Variants in PPP6R3 observed in about 807,000 individuals in gnomAD.
PPP6R3 encodes serine/threonine-protein phosphatase 6 regulatory subunit 3.
PPP6R3 carries 38 observed loss-of-function variants against 110.7 expected under a neutral mutation model. That is an observed-to-expected ratio of 0.34 (90% CI 0.26 to 0.45). The LOEUF (loss-of-function observed/expected upper bound fraction) is 0.45. PPP6R3 is among the 20% of genes least tolerant of loss of function. The pLI is 1.00. For synonymous variants in PPP6R3, 369 were observed against 373.5 expected, an observed-to-expected ratio of 0.99 and a Z score of 0.14; for missense variants, 870 against 1,062.4, an observed-to-expected ratio of 0.82 and a Z score of 2.52.
At position 68,613,324 on chromosome 11, in the gene PPP6R3, A is replaced by G; in HGVS notation, c.*207A>G. The stretch of plus-strand genomic sequence containing the variant: ...TATTGCACATTGACAAATACCAAGA[A>G]TTTTTGCGTATGTTTATATTGTATT... On this transcript the variant is annotated 3_prime_UTR_variant, in exon 24 of 24. Coordinates refer to ENST00000393800, the MANE Select transcript of PPP6R3 (RefSeq NM_001164161.2). 1 of 1,337,674 alleles carries G rather than the reference A, an allele frequency of 7.5e-7. No individual in the cohort carries two copies. Among genetic ancestry groups the G allele is most frequent in the Non-Finnish European group, 9.6e-7 (1 of 1,046,682 alleles). The allele number at this position is 1,337,674 out of a possible 1,614,324, so 82.9% of individuals were successfully genotyped here. A position where few individuals can be genotyped will look rare whatever the true frequency, so the allele number is the denominator to read the frequency against.
intron 2 of PPP6R3, among the ~76,000 whole-genome samples, chr11:68,531,757 C>T (rs1334503118): frequency 5.3e-5 from 8 of 152,110 alleles, no homozygotes; most frequent in Admixed American, 3.3e-4. Context: ...GCTGCTATTG[C>T]GGATCTTTCT....
intron 4 of PPP6R3, 135 bp downstream of exon 4, chr11:68,545,159 A>G (rs2099344577): frequency 1.2e-5 from 7 of 568,544 alleles, no homozygotes; most frequent in Non-Finnish European, 2.0e-5. Flanking sequence ...TTAAACCTTA[A>G]ACATTCTAAG....
intron 2 of PPP6R3, 131 bp downstream of exon 2, chr11:68,519,782 ATT>A (rs2099154619): frequency 2.6e-6 from 1 of 391,758 alleles, no homozygotes; most frequent in Non-Finnish European, 4.5e-6. Flanking sequence ...GTACAATATG[ATT>A]CTGTGGTACT....
rs143149557 is a variant in PPP6R3, at chr11:68,541,138, G to T, written c.227+3247G>T. ...AAGACAGACATAAGAAATCACAAAAGTATTAATTTGGGGAACTAATAAATG... is the reference window on the plus strand; with the variant it reads ...AAGACAGACATAAGAAATCACAAAATTATTAATTTGGGGAACTAATAAATG... On this transcript the variant is annotated intron_variant, in intron 3 of 23. Coordinates refer to ENST00000393800, the MANE Select transcript of PPP6R3 (RefSeq NM_001164161.2). Among the ~76,000 whole-genome samples, 60 of 152,320 alleles carry T rather than the reference G, an allele frequency of 3.9e-4. No homozygotes were observed. The East Asian group carries it at 0.011, about 29-fold the overall frequency.
At chr11:68,470,426 G>A (rs1388078734) in intron 1 of PPP6R3, among the ~76,000 whole-genome samples, 1 of 152,150 alleles carries the variant, frequency 6.6e-6, no homozygotes, top group Non-Finnish European at 1.5e-5. Context: ...TGTGGCTGGA[G>A]TGAGGAGCCT....
At chr11:68,493,226 G>A (rs1311296288) in intron 1 of PPP6R3, among the ~76,000 whole-genome samples, 1 of 152,108 alleles carries the variant, frequency 6.6e-6, no homozygotes, top group Admixed American at 6.6e-5. Flanking sequence ...CTGAGCTTCA[G>A]TTTCCTCGCT....
chr11:68,550,012 CT>C (rs1435921269), intron 5 of PPP6R3, among the ~76,000 whole-genome samples: 4 of 152,274 alleles, frequency 2.6e-5, no homozygotes, highest in Admixed American at 6.5e-5. Flanking sequence ...TGCCCCGCCC[CT>C]CACATAGATG....
chr11:68,552,031 C>T (rs118128201), intron 6 of PPP6R3, among the ~76,000 whole-genome samples: 2 of 152,288 alleles, frequency 1.3e-5, no homozygotes, highest in Non-Finnish European at 2.9e-5. Flanking sequence ...GCAGATTGAA[C>T]TCTGTGCTGA....
intron 1 of PPP6R3, among the ~76,000 whole-genome samples, chr11:68,478,478 T>C (rs971198245): frequency 6.6e-6 from 1 of 152,128 alleles, no homozygotes; most frequent in Non-Finnish European, 1.5e-5. Context: ...GTTATGTAAC[T>C]ATGACAAGTG....
chr11:68,574,129 A>C lies in PPP6R3; in HGVS notation c.1364A>C (p.His455Pro). Reference sequence around the variant, plus strand: ...GTCAGGGCTGAGGGAGGAAGACGGCATGGTTACATGGGACACCTAACGAGG... The same window carrying C: ...GTCAGGGCTGAGGGAGGAAGACGGCCTGGTTACATGGGACACCTAACGAGG... ...EKKQAEGGRR[H>P]GYMGHLTRIA... Residue 455 changes from histidine (H) to proline (P), a missense_variant, in exon 13 of 24, where the codon CAT (histidine) becomes CCT (proline). His to Pro is a moderately conservative substitution (Grantham distance 77). Transcript: ENST00000393800. The C allele has an allele frequency of 6.2e-7, 1 of 1,614,010 alleles. No homozygotes were observed. The highest frequency in any genetic ancestry group is 8.5e-7 in the Non-Finnish European group (1 of 1,179,872).
intron 3 of PPP6R3, 47 bp downstream of exon 3, chr11:68,537,938 G>A: frequency 7.3e-7 from 1 of 1,369,610 alleles, no homozygotes. Flanking sequence ...AAGTGAAGTG[G>A]GGGTAGAATA....
chr11:68,537,265 A>C (rs1317939008), intron 2 of PPP6R3, among the ~76,000 whole-genome samples: 1 of 152,182 alleles, frequency 6.6e-6, no homozygotes, highest in African/African-American at 2.4e-5. Context: ...TAGTCTTCTG[A>C]AGCCTTCTAG....
At position 68,501,067 on chromosome 11, in the gene PPP6R3, GTTGT is replaced by G. The variant is rs2099046341; in HGVS notation, c.-157-18432_-157-18429del. ...GGGCATCGTTAGCATGGATTTTGCT[GTTGT>G]TAGTTTTTTCATGTTTATTGTCTAC... On this transcript the variant is annotated intron_variant, in intron 1 of 23. Transcript: ENST00000393800. 2.0e-5 allele frequency among the ~76,000 whole-genome samples: 3 copies of G among 152,144 alleles called. No homozygotes were observed. In the South Asian group the frequency reaches 6.2e-4, roughly 32 times the overall value.
At chr11:68,518,658 G>A (rs556495005) in intron 1 of PPP6R3, among the ~76,000 whole-genome samples, 3 of 152,216 alleles carry the variant, frequency 2.0e-5, no homozygotes, top group South Asian at 2.1e-4. Flanking sequence ...AAATATACTC[G>A]TTTTAATTTG....
intron 1 of PPP6R3, among the ~76,000 whole-genome samples, chr11:68,498,899 A>G (rs898602327): frequency 5.3e-5 from 8 of 152,174 alleles, no homozygotes; most frequent in African/African-American, 1.9e-4. Flanking sequence ...TACTAAAGCT[A>G]TTGTACCAAA....
At chr11:68,504,818 T>C (rs2099067338) in intron 1 of PPP6R3, among the ~76,000 whole-genome samples, 2 of 152,200 alleles carry the variant, frequency 1.3e-5, no homozygotes, top group South Asian at 4.1e-4. Flanking sequence ...TTTTTGCAGT[T>C]TGGCCTTCTT....
At chr11:68,539,778 T>C (rs1047697850) in intron 3 of PPP6R3, among the ~76,000 whole-genome samples, 3 of 152,170 alleles carry the variant, frequency 2.0e-5, no homozygotes, top group Non-Finnish European at 2.9e-5. Flanking sequence ...ATTTTTCAGA[T>C]AAGACCTCTG....
At chr11:68,573,114 T>TTTTATA (rs1397314086) in intron 12 of PPP6R3, among the ~76,000 whole-genome samples, 2 of 61,796 alleles carry the variant, frequency 3.2e-5, no homozygotes, top group Non-Finnish European at 5.5e-5. Flanking sequence ...TTTACTTATT[T>TTTTATA]TATATATATA....
At chr11:68,470,227 G>C (rs1413001404) in intron 1 of PPP6R3, among the ~76,000 whole-genome samples, 1 of 152,214 alleles carries the variant, frequency 6.6e-6, no homozygotes, top group Non-Finnish European at 1.5e-5. Context: ...AGTAAACCAG[G>C]AGAGGTGGGG....
Sources: gnomAD v4.1 joint callset for allele counts (sites outside exome capture counted in the v4.1 genomes callset) on GRCh38, gnomAD v4.1.1 for gene constraint, MANE v1.5 for transcripts, NCBI Gene and HGNC (gene_info 2026-07-23, HGNC 2026-07-21) for gene names.